Variants in SLC38A6 observed in about 807,000 individuals in gnomAD.
The protein encoded by SLC38A6 is solute carrier family 38 member 6.
In SLC38A6, 73 loss-of-function variants were observed where a neutral mutation model predicts 65.0. That is an observed-to-expected ratio of 1.12 (90% confidence interval 0.93 to 1.37). The LOEUF (loss-of-function observed/expected upper bound fraction) is 1.37. Ranked by LOEUF, SLC38A6 falls within the 40% of genes most tolerant of loss-of-function variation. SLC38A6 has a pLI of 0.00. For missense variants in SLC38A6, 561 were observed against 531.1 expected (o/e 1.06, Z -0.55); for synonymous variants, 183 against 178.8 (o/e 1.02, Z -0.19).
At chr14:60,993,841 T>C (rs1007090728) in intron 3 of SLC38A6, among the ~76,000 whole-genome samples, 14 of 152,168 alleles carry the variant, frequency 9.2e-5, no homozygotes, top group African/African-American at 3.4e-4. Context: ...GTGAAAGATA[T>C]ATACTAAAAC....
chr14:61,061,376 G>C (rs937030373), intron 15 of SLC38A6, among the ~76,000 whole-genome samples: 1 of 152,206 alleles, frequency 6.6e-6, no homozygotes, highest in Non-Finnish European at 1.5e-5. Context: ...GTTCATCAAA[G>C]ATATTGACCT....
At chr14:61,048,993 A>G (rs949890029) in intron 12 of SLC38A6, among the ~76,000 whole-genome samples, 1 of 152,164 alleles carries the variant, frequency 6.6e-6, no homozygotes, top group Non-Finnish European at 1.5e-5. Context: ...ACTTAGTCCA[A>G]ATCCCACATT....
chr14:61,018,329 T>G (rs184353843), intron 4 of SLC38A6, among the ~76,000 whole-genome samples: 1 of 152,340 alleles, frequency 6.6e-6, no homozygotes, highest in Admixed American at 6.5e-5. Flanking sequence ...AAGTTTTACA[T>G]AGGCTGAAAT....
In SLC38A6 at chr14:61,009,332, G is replaced by A. The variant is rs80043931; in HGVS notation, c.311-6572G>A. On this transcript the variant is annotated intron_variant, in intron 3 of 15. Coordinates refer to ENST00000267488, the MANE Select transcript of SLC38A6 (RefSeq NM_153811.3). ...CCAAAATTACATCAATCTGCATGTT[G>A]ACATTGTTTACCTTATATTGATTAG... Among the ~76,000 whole-genome samples the A allele has an allele frequency of 7.2e-3, 1,095 of 152,226 alleles. 13 individuals carry two copies. The highest frequency in any genetic ancestry group is 0.025 in the African/African-American group (1,045 of 41,526).
chr14:61,050,570 T>C lies in SLC38A6; in HGVS notation c.984T>C (p.Val328=). ...GTAAATACTTATCACATGATGTTGT[T>C]GTCATGACTGTGAAGTTATGCATAC... is the stretch of plus-strand genomic sequence containing the variant. The part of the protein sequence containing the change: ...GYSKYLSHDV[V]VMTVKLCILF... Residue 328 remains valine (V), a synonymous_variant, in exon 13 of 16, where the codon GTT becomes GTC. Transcript: ENST00000267488. 6.3e-7 allele frequency: 1 copy of C among 1,597,042 alleles called. No individual in the cohort carries two copies. The highest frequency in any genetic ancestry group is 8.6e-7 in the Non-Finnish European group (1 of 1,168,108).
intron 10 of SLC38A6, among the ~76,000 whole-genome samples, chr14:61,044,595 G>A (rs7154137): frequency 0.93 from 141,794 of 152,238 alleles, 66,425 homozygotes; most frequent in Non-Finnish European, 0.99. Context: ...TTAAGAGCCT[G>A]AAGTTAGTTA....
intron 15 of SLC38A6, among the ~76,000 whole-genome samples, chr14:61,061,080 T>C: frequency 6.6e-6 from 1 of 152,112 alleles, no homozygotes; most frequent in African/African-American, 2.4e-5. Context: ...ATCACCCGTC[T>C]TCTGCGTCGC....
chr14:61,050,081 G>T (rs1285981594), intron 12 of SLC38A6, among the ~76,000 whole-genome samples: 1 of 152,144 alleles, frequency 6.6e-6, no homozygotes, highest in East Asian at 1.9e-4. Flanking sequence ...AGAAGTAGGT[G>T]TATGGCACTG....
intron 15 of SLC38A6, among the ~76,000 whole-genome samples, chr14:61,073,156 G>T (rs958248379): frequency 2.0e-5 from 3 of 152,094 alleles, no homozygotes; most frequent in Non-Finnish European, 2.9e-5. Context: ...CTTTTCATAT[G>T]TCTGTTAGCC....
Position 61,027,354 on chromosome 14 carries a change from C to T in SLC38A6, c.404-3091C>T, listed in dbSNP as rs183775850. On this transcript the variant is annotated intron_variant, in intron 5 of 15. Transcript: ENST00000267488. ...ATATGCATGGCTCTTGTGGATGACCCAGTTGCAGCTATTAATTTAGAGTAG... is the reference window on the plus strand; with the variant it reads ...ATATGCATGGCTCTTGTGGATGACCTAGTTGCAGCTATTAATTTAGAGTAG... Among the ~76,000 whole-genome samples the T allele has an allele frequency of 2.7e-4, 41 of 152,222 alleles. 2 individuals carry two copies. The East Asian group carries it at 7.9e-3, about 29-fold the overall frequency.
At chr14:61,004,461 G>C (rs2038937323) in intron 3 of SLC38A6, 1 of 152,146 alleles carries the variant, frequency 6.6e-6, no homozygotes, top group South Asian at 2.1e-4. Flanking sequence ...GAACGGAAAA[G>C]AGAGAAGAAC....
At chr14:61,066,364 T>A (rs756168323) in intron 15 of SLC38A6, among the ~76,000 whole-genome samples, 1 of 152,204 alleles carries the variant, frequency 6.6e-6, no homozygotes, top group Non-Finnish European at 1.5e-5. Flanking sequence ...TCTGTTGTCC[T>A]GCTTTGCCAA....
At chr14:61,020,187 A>G (rs1429663611) in intron 5 of SLC38A6, among the ~76,000 whole-genome samples, 2 of 152,192 alleles carry the variant, frequency 1.3e-5, no homozygotes, top group East Asian at 1.9e-4. Context: ...GAGTAAATGT[A>G]TTAAACATTT....
rs1415304274 is a variant in SLC38A6, at chr14:61,019,527, C to T, written c.364-14C>T. On this transcript the variant is annotated splice_polypyrimidine_tract_variant and intron_variant, in intron 4 of 15. Coordinates refer to ENST00000267488, the MANE Select transcript of SLC38A6 (RefSeq NM_153811.3). ...TTCCCCTTCTATCTTCTGAATATTTCTGTTCTTTTACAGTTGGTGGTGGCA... is the reference window on the plus strand; with the variant it reads ...TTCCCCTTCTATCTTCTGAATATTTTTGTTCTTTTACAGTTGGTGGTGGCA... The T allele has an allele frequency of 1.2e-6, 2 of 1,612,340 alleles. No individual in the cohort carries two copies. Among genetic ancestry groups the T allele is most frequent in the South Asian group, 2.2e-5 (2 of 90,960 alleles).
At chr14:60,989,540 A>G (rs2037706260) in intron 3 of SLC38A6, among the ~76,000 whole-genome samples, 1 of 152,076 alleles carries the variant, frequency 6.6e-6, no homozygotes, top group Admixed American at 6.6e-5. Context: ...CCTGGGCAAC[A>G]TGGTGAAACC....
chr14:61,030,299 G>T, intron 5 of SLC38A6, 146 bp from the exon 6 acceptor site: 1 of 495,670 alleles, frequency 2.0e-6, no homozygotes, highest in Non-Finnish European at 3.6e-6. Flanking sequence ...GTGTGTGTGT[G>T]TATGTATCTT....
intron 3 of SLC38A6, among the ~76,000 whole-genome samples, chr14:61,012,458 T>C (rs543539775): frequency 3.9e-5 from 6 of 152,288 alleles, no homozygotes; most frequent in African/African-American, 1.2e-4. Context: ...GCTTCTCTAG[T>C]TCTTTTATTG....
chr14:61,039,242 G>A (rs1410264397), intron 8 of SLC38A6, among the ~76,000 whole-genome samples: 2 of 152,156 alleles, frequency 1.3e-5, no homozygotes, highest in African/African-American at 2.4e-5. Flanking sequence ...TACATTTATT[G>A]TAATGCCTTA....
chr14:61,003,771 C>G (rs957384725), intron 3 of SLC38A6, among the ~76,000 whole-genome samples: 1 of 152,112 alleles, frequency 6.6e-6, no homozygotes, highest in African/African-American at 2.4e-5. Context: ...GAAGCCATTA[C>G]TCATATTCAT....
Sources: gnomAD v4.1 joint callset for allele counts (sites outside exome capture counted in the v4.1 genomes callset) on GRCh38, gnomAD v4.1.1 for gene constraint, MANE v1.5 for transcripts, NCBI Gene and HGNC (gene_info 2026-07-23, HGNC 2026-07-21) for gene names.